The following PDE4D variants were observed in gnomAD, a reference collection of about 807,000 sequenced individuals.
PDE4D encodes phosphodiesterase 4D, also known as 3',5'-cyclic-AMP phosphodiesterase 4D.
Under a neutral mutation model 87.4 loss-of-function variants are expected in PDE4D, and 24 were observed. That is an observed-to-expected ratio of 0.27 (90% CI 0.20 to 0.39). PDE4D has a LOEUF of 0.39. Among genes scored for constraint, PDE4D ranks in the 10% least tolerant of loss-of-function variants. The probability of loss-of-function intolerance (pLI) is 1.00; values close to 1 mark genes in which losing one functional copy is unlikely to be tolerated. For missense variants in PDE4D, 714 were observed against 1,041.0 expected (o/e 0.69, Z 4.32); for synonymous variants, 384 against 383.2 (o/e 1.00, Z -0.02).
chr5:59,003,757 A>T (rs1303362809), intron 6 of PDE4D, among the ~76,000 whole-genome samples: 1 of 152,110 alleles, frequency 6.6e-6, no homozygotes, highest in Non-Finnish European at 1.5e-5. Context: ...GTATACCAGG[A>T]GATCTGAAGA....
At chr5:59,267,004 T>C (rs1017062303) in intron 1 of PDE4D, among the ~76,000 whole-genome samples, 2 of 151,754 alleles carry the variant, frequency 1.3e-5, no homozygotes, top group Non-Finnish European at 2.9e-5. Context: ...ACTAAGTTCA[T>C]TGTCTGTCAA....
Position 59,148,754 on chromosome 5 carries a change from GGTGTGTGTGTGTGTGTGTGTGT to G in PDE4D, c.808+31819_808+31840del, listed in dbSNP as rs3061422. Reference sequence around the variant, plus strand: ...TGTTTTCCAAAATAAAATATATAGCGGTGTGTGTGTGTGTGTGTGTGTGTGTGTGTGTGTGTGTATCTGTGTG... The same window carrying G: ...TGTTTTCCAAAATAAAATATATAGCGGTGTGTGTGTGTGTGTATCTGTGTG... On this transcript the variant is annotated intron_variant, in intron 5 of 14. Coordinates refer to ENST00000340635, the MANE Select transcript of PDE4D (RefSeq NM_001104631.2). Among the ~76,000 whole-genome samples, 5 of 145,594 alleles carry G rather than the reference GGTGTGTGTGTGTGTGTGTGTGT, an allele frequency of 3.4e-5. No individual in the cohort carries two copies. The East Asian group carries it at 8.2e-4, about 24-fold the overall frequency.
intron 1 of PDE4D, among the ~76,000 whole-genome samples, chr5:60,304,938 C>CA (rs1215708891): frequency 2.0e-5 from 3 of 150,752 alleles, no homozygotes; most frequent in South Asian, 2.1e-4. Context: ...AGAGCTGGAC[C>CA]AAAAAAACCC....
chr5:60,100,291 C>T (rs1048524958), intron 2 of PDE4D, among the ~76,000 whole-genome samples: 4 of 151,830 alleles, frequency 2.6e-5, no homozygotes, highest in Non-Finnish European at 5.9e-5. Flanking sequence ...TATAATTTCT[C>T]ATAGATGGGG....
In PDE4D at chr5:59,396,875, A is replaced by G. The variant is rs1189486380; in HGVS notation, c.456-180907T>C. On this transcript the variant is annotated intron_variant, in intron 1 of 14. Coordinates refer to ENST00000340635, the MANE Select transcript of PDE4D (RefSeq NM_001104631.2). ...GAGACACACATAGGCTCAAAATAAA[A>G]GGATGGAGGAAGATCTACCAAGCAA... Among the ~76,000 whole-genome samples, 3 of 114,630 alleles carry G rather than the reference A, an allele frequency of 2.6e-5. 1 individual carries two copies. Among genetic ancestry groups the G allele is most frequent in the African/African-American group, 1.1e-4 (3 of 28,038 alleles). 75.2% of individuals were successfully genotyped at this position (114,630 alleles called of 152,430 possible).
chr5:59,405,226 TC>T (rs1791409029), intron 1 of PDE4D, among the ~76,000 whole-genome samples: 4 of 152,350 alleles, frequency 2.6e-5, no homozygotes, highest in Admixed American at 1.3e-4. Flanking sequence ...GAAATATCTT[TC>T]CATTTTTTGT....
At chr5:59,504,259 T>C (rs1410683273) in intron 1 of PDE4D, among the ~76,000 whole-genome samples, 2 of 152,218 alleles carry the variant, frequency 1.3e-5, no homozygotes, top group African/African-American at 4.8e-5. Flanking sequence ...TAGTATTTCA[T>C]AATATAGTTG....
intron 1 of PDE4D, among the ~76,000 whole-genome samples, chr5:59,778,211 T>C (rs1035529299): frequency 3.9e-5 from 6 of 152,204 alleles, no homozygotes; most frequent in Non-Finnish European, 7.3e-5. Context: ...GTATGAAACA[T>C]GCGAAGGACA....
intron 1 of PDE4D, among the ~76,000 whole-genome samples, chr5:60,256,582 T>A (rs1749076005): frequency 6.6e-6 from 1 of 151,690 alleles, no homozygotes; most frequent in Non-Finnish European, 1.5e-5. Context: ...ACACATTGCA[T>A]AAAAAAAATT....
intron 1 of PDE4D, among the ~76,000 whole-genome samples, chr5:59,756,999 T>C (rs1343330203): frequency 6.6e-6 from 1 of 152,070 alleles, no homozygotes; most frequent in Non-Finnish European, 1.5e-5. Context: ...GGTTTCACCA[T>C]GTTGAACAGG....
At chr5:60,413,817 CAA>C (rs746287639) in intron 1 of PDE4D, among the ~76,000 whole-genome samples, 3 of 150,712 alleles carry the variant, frequency 2.0e-5, no homozygotes, top group Non-Finnish European at 4.4e-5. Flanking sequence ...CCCAAAGTAA[CAA>C]ATAATCTTAA....
At chr5:59,039,657 G>T in intron 5 of PDE4D, 1 of 328,574 alleles carries the variant, frequency 3.0e-6, no homozygotes, top group Non-Finnish European at 4.4e-6. Flanking sequence ...AAAAGATTCC[G>T]AATTGCAAAA....
intron 1 of PDE4D, among the ~76,000 whole-genome samples, chr5:60,215,662 C>A (rs1367856445): frequency 6.6e-6 from 1 of 151,964 alleles, no homozygotes; most frequent in Non-Finnish European, 1.5e-5. Flanking sequence ...AAGTGTGATC[C>A]CTGGACAAGC....
chr5:59,386,398 C>G (rs575214084), intron 1 of PDE4D, among the ~76,000 whole-genome samples: 1 of 152,132 alleles, frequency 6.6e-6, no homozygotes, highest in Non-Finnish European at 1.5e-5. Flanking sequence ...TATTACGTGA[C>G]TTCTAAGAGC....
At chr5:59,199,630 C>G (rs1321566427) in intron 2 of PDE4D, among the ~76,000 whole-genome samples, 2 of 152,066 alleles carry the variant, frequency 1.3e-5, no homozygotes, top group East Asian at 3.9e-4. Context: ...TTGACAACTT[C>G]TTTTAGAATT....
At chr5:60,316,575 A>G (rs2149826997) in intron 1 of PDE4D, among the ~76,000 whole-genome samples, 1 of 152,292 alleles carries the variant, frequency 6.6e-6, no homozygotes, top group East Asian at 1.9e-4. Context: ...CAGTTTTCAA[A>G]GGGAATGCTT....
chr5:59,477,671 C>T (rs1803532589), intron 1 of PDE4D, among the ~76,000 whole-genome samples: 1 of 152,018 alleles, frequency 6.6e-6, no homozygotes, highest in Admixed American at 6.6e-5. Flanking sequence ...AACAGAGGTA[C>T]CATTCAACCT....
intron 2 of PDE4D, among the ~76,000 whole-genome samples, chr5:60,152,008 A>G (rs995372842): frequency 6.6e-6 from 1 of 152,176 alleles, no homozygotes; most frequent in Non-Finnish European, 1.5e-5. Flanking sequence ...TAAGATGATC[A>G]TGTTATTTTT....
Position 59,794,136 on chromosome 5 carries a change from C to T in PDE4D, c.455+99032G>A, listed in dbSNP as rs1009604485. Among the ~76,000 whole-genome samples, 10 of 78,076 alleles carry T rather than the reference C, an allele frequency of 1.3e-4. 1 individual carries two copies. Among genetic ancestry groups the T allele is most frequent in the East Asian group, 7.4e-4 (2 of 2,698 alleles). The allele number at this position is 78,076 out of a possible 152,430, so 51.2% of individuals were successfully genotyped here. On this transcript the variant is annotated intron_variant, in intron 1 of 14. Transcript: ENST00000340635. Reference sequence around the variant, plus strand: ...AGATACACAGACACACACACAGAGGCGCACACACACACACACACACACACA... The same window carrying T: ...AGATACACAGACACACACACAGAGGTGCACACACACACACACACACACACA...
Sources: allele counts gnomAD v4.1 joint callset (sites outside exome capture counted in the v4.1 genomes callset), GRCh38; gene constraint gnomAD v4.1.1; transcripts MANE v1.5; gene names NCBI Gene and HGNC (gene_info 2026-07-23, HGNC 2026-07-21).